The following SLC37A1 variants were observed in gnomAD, a reference collection of about 807,000 sequenced individuals.
The protein encoded by SLC37A1 is glucose-6-phosphate exchanger SLC37A1.
In SLC37A1, 49 loss-of-function variants were observed where a neutral mutation model predicts 75.3. The ratio of observed to expected loss-of-function variants is 0.65; its 90% CI spans 0.52 to 0.83. The LOEUF is 0.83. Ranked by LOEUF, SLC37A1 falls within the 40% of genes least tolerant of loss-of-function variation. The pLI is 0.00. For missense variants in SLC37A1, 566 were observed against 695.0 expected, an observed-to-expected ratio of 0.81 and a Z score of 2.09; for synonymous variants, 268 against 292.1, an observed-to-expected ratio of 0.92 and a Z score of 0.84.
rs368777229 is a variant in SLC37A1, at chr21:42,554,982, G to GGTTTTTTTTTTTTTTTTTTTT, written c.849+840_849+841insGTTTTTTTTTTTTTTTTTTTT. 3.4e-5 allele frequency among the ~76,000 whole-genome samples: 4 copies of GGTTTTTTTTTTTTTTTTTTTT among 116,598 alleles called. 1 individual carries two copies. The highest frequency in any genetic ancestry group is 5.5e-5 in the Non-Finnish European group (3 of 55,044). 76.5% of individuals were successfully genotyped at this position (116,598 alleles called of 152,430 possible). Reference sequence around the variant, plus strand: ...TTTTTGTTTGTTTGGTTGGTTGGTTGTTTTTTTTTTTTTTTTTTTTTGAGA... The same window carrying GGTTTTTTTTTTTTTTTTTTTT: ...TTTTTGTTTGTTTGGTTGGTTGGTTGGTTTTTTTTTTTTTTTTTTTTTTTTTTTTTTTTTTTTTTTTTGAGA... On this transcript the variant is annotated intron_variant, in intron 10 of 19. Coordinates refer to ENST00000352133, the MANE Select transcript of SLC37A1 (RefSeq NM_001320537.2).
At chr21:42,520,677 C>G (rs1185356871) in intron 2 of SLC37A1, among the ~76,000 whole-genome samples, 1 of 151,908 alleles carries the variant, frequency 6.6e-6, no homozygotes, top group Non-Finnish European at 1.5e-5. Flanking sequence ...GTAAAATGCA[C>G]CCCGCTAGGA....
intron 5 of SLC37A1, among the ~76,000 whole-genome samples, chr21:42,537,624 G>GAC (rs2055173225): frequency 6.6e-6 from 1 of 152,150 alleles, no homozygotes. Flanking sequence ...CAACACACAG[G>GAC]ACAGCCCCTA....
Position 42,563,868 on chromosome 21 carries a change from G to A in SLC37A1, c.1126G>A (p.Gly376Arg), listed in dbSNP as rs757935332. ...GELSTLFDVG[G>R]IFGGILAGVI... The stretch of plus-strand genomic sequence containing the variant: ...GCTCTCCACCCTGTTTGACGTGGGC[G>A]GAATCTTTGGTGAGTTCATTAAGAC... The change falls in exon 13 of 20, where the codon GGA becomes AGA. Residue 376 changes from glycine (G) to arginine (R), a missense_variant. Gly to Arg is a moderately radical substitution (Grantham distance 125, BLOSUM62 -2). Coordinates refer to ENST00000352133, the MANE Select transcript of SLC37A1 (RefSeq NM_001320537.2). 9.3e-6 allele frequency: 15 copies of A among 1,614,022 alleles called. No individual in the cohort carries two copies. The highest frequency in any genetic ancestry group is 1.3e-5 in the African/African-American group (1 of 74,900).
At chr21:42,543,284 C>G in intron 7 of SLC37A1, 152 bp from the exon 8 acceptor site, 1 of 862,712 alleles carries the variant, frequency 1.2e-6, no homozygotes, top group African/African-American at 1.7e-5. Flanking sequence ...GTGAGCATCG[C>G]GAGTCCTGCA....
At chr21:42,512,581 G>A (rs2146686283), upstream of SLC37A1, among the ~76,000 whole-genome samples, 1 of 152,346 alleles carries the variant, frequency 6.6e-6, no homozygotes, top group Middle Eastern at 3.4e-3. Flanking sequence ...GAAAAGAGAG[G>A]AGAAAGCACT....
chr21:42,573,375 G>T (rs904266295), intron 17 of SLC37A1, among the ~76,000 whole-genome samples: 1 of 151,982 alleles, frequency 6.6e-6, no homozygotes, highest in South Asian at 2.1e-4. Context: ...GCTGGGCCTC[G>T]CTCTGCTCCA....
chr21:42,556,567 C>A (rs982496344), intron 10 of SLC37A1, among the ~76,000 whole-genome samples: 3 of 152,238 alleles, frequency 2.0e-5, no homozygotes, highest in Admixed American at 1.3e-4. Flanking sequence ...GTAGAGGGAA[C>A]CCTTTTCTCT....
intron 1 of SLC37A1, among the ~76,000 whole-genome samples, chr21:42,517,560 G>A (rs1470316882): frequency 6.6e-6 from 1 of 152,242 alleles, no homozygotes; most frequent in Admixed American, 6.5e-5. Flanking sequence ...TTTGGAGGAC[G>A]CAGTGACTCA....
intron 8 of SLC37A1, 69 bp downstream of exon 8, chr21:42,543,671 TGG>T: frequency 6.7e-7 from 1 of 1,486,932 alleles, no homozygotes; most frequent in East Asian, 2.3e-5. Flanking sequence ...GGGTGGGCCT[TGG>T]GGGCGAGTGT....
chr21:42,558,292 T>C (rs2055741373), intron 10 of SLC37A1, among the ~76,000 whole-genome samples: 1 of 152,226 alleles, frequency 6.6e-6, no homozygotes, highest in Non-Finnish European at 1.5e-5. Flanking sequence ...TATTTTAAAA[T>C]AATGTTGGTG....
At chr21:42,526,566 C>T (rs2054798770) in intron 3 of SLC37A1, among the ~76,000 whole-genome samples, 2 of 152,352 alleles carry the variant, frequency 1.3e-5, no homozygotes, top group South Asian at 4.1e-4. Flanking sequence ...GACTGCAATT[C>T]TGTGACCTTT....
chr21:42,577,641 G>A (rs1486772089), intron 18 of SLC37A1, among the ~76,000 whole-genome samples: 1 of 152,118 alleles, frequency 6.6e-6, no homozygotes, highest in Admixed American at 6.5e-5. Flanking sequence ...AGGGTCAGGG[G>A]AAGCATAGAA....
At chr21:42,578,590 GATTT>G (rs2056353853) in intron 18 of SLC37A1, among the ~76,000 whole-genome samples, 1 of 152,162 alleles carries the variant, frequency 6.6e-6, no homozygotes, top group African/African-American at 2.4e-5. Flanking sequence ...CACACAGATG[GATTT>G]ATTTAACAAA....
intron 9 of SLC37A1, among the ~76,000 whole-genome samples, chr21:42,550,618 A>C (rs1457223935): frequency 1.4e-5 from 2 of 147,570 alleles, no homozygotes; most frequent in South Asian, 2.1e-4. Flanking sequence ...TATCGTAATA[A>C]CAAAAGACTA....
chr21:42,528,695 G>A (rs1969630782), intron 3 of SLC37A1, among the ~76,000 whole-genome samples: 1 of 152,214 alleles, frequency 6.6e-6, no homozygotes, highest in African/African-American at 2.4e-5. Flanking sequence ...CAGGCATGGT[G>A]ACAGGCGCCT....
At chr21:42,530,648 A>ACCC (rs2054935328) in intron 3 of SLC37A1, among the ~76,000 whole-genome samples, 3 of 27,658 alleles carry the variant, frequency 1.1e-4, no homozygotes, top group Admixed American at 5.6e-4. Flanking sequence ...ACACACACAC[A>ACCC]CACACACCCC....
rs2055302683 is a variant in SLC37A1 at position 42,542,302 on chromosome 21, C to T, written c.487-102C>T. 31 of 862,112 alleles carry T rather than the reference C, an allele frequency of 3.6e-5. 1 individual carries two copies. In the South Asian group the frequency reaches 4.2e-4, roughly 12 times the overall value. 53.4% of individuals were successfully genotyped at this position (862,112 alleles called of 1,614,324 possible). A position where few individuals can be genotyped will look rare whatever the true frequency, so the allele number is the denominator to read the frequency against. On this transcript the variant is annotated intron_variant, in intron 6 of 19. Transcript: ENST00000352133. ...TGACAGTCCATCTCTGGCTGTCGTG[C>T]CCCCTGCTTTGTGTAAGTGGAGCAA... is the stretch of plus-strand genomic sequence containing the variant.
In SLC37A1 at chr21:42,530,654, A is replaced by ACC. The variant is rs1555882111; in HGVS notation, c.139-4040_139-4039dup. 7.6e-3 allele frequency among the ~76,000 whole-genome samples: 272 copies of ACC among 35,888 alleles called. 9 individuals carry two copies. Among genetic ancestry groups the ACC allele is most frequent in the Admixed American group, 0.013 (36 of 2,764 alleles). The allele number at this position is 35,888 out of a possible 152,430, so 23.5% of individuals were successfully genotyped here. A position where few individuals can be genotyped will look rare whatever the true frequency, so the allele number is the denominator to read the frequency against. On this transcript the variant is annotated intron_variant, in intron 3 of 19. Coordinates refer to ENST00000352133, the MANE Select transcript of SLC37A1 (RefSeq NM_001320537.2). ...CACACACACACACACACACACACAC[A>ACC]CCCCCTCTGTGTTGGCTGAAGGTGG...
Position 42,542,220 on chromosome 21 carries a change from C to A in SLC37A1, c.487-184C>A, listed in dbSNP as rs564440305. Among the ~76,000 whole-genome samples the A allele has an allele frequency of 2.6e-5, 4 of 152,084 alleles. No homozygotes were observed. In the East Asian group the frequency reaches 5.8e-4, roughly 22 times the overall value. Reference sequence around the variant, plus strand: ...TTTTATTTTGAAAAATATATAGATACCTGTATACATGGTTTTAAAATATAT... The same window carrying A: ...TTTTATTTTGAAAAATATATAGATAACTGTATACATGGTTTTAAAATATAT... On this transcript the variant is annotated intron_variant, in intron 6 of 19. Transcript: ENST00000352133.
Sources: allele counts gnomAD v4.1 joint callset (sites outside exome capture counted in the v4.1 genomes callset), GRCh38; gene constraint gnomAD v4.1.1; transcripts MANE v1.5; gene names NCBI Gene and HGNC (gene_info 2026-07-23, HGNC 2026-07-21).